Variants in NUP205 observed in about 807,000 individuals in gnomAD.
The protein encoded by NUP205 is nuclear pore complex protein Nup205.
In NUP205, 76 loss-of-function variants were observed where a neutral mutation model predicts 253.8. The ratio of observed to expected loss-of-function variants is 0.30; its 90% CI spans 0.25 to 0.36. The LOEUF (loss-of-function observed/expected upper bound fraction) is 0.36. Among genes scored for constraint, NUP205 ranks in the 10% least tolerant of loss-of-function variants. The probability of loss-of-function intolerance (pLI) is 1.00; values close to 1 mark genes in which losing one functional copy is unlikely to be tolerated. For missense variants in NUP205, 2,162 were observed against 2,425.5 expected (o/e 0.89, Z 2.28); for synonymous variants, 832 against 850.1 (o/e 0.98, Z 0.37).
chr7:135,576,054 T>C (rs535911348), intron 3 of NUP205, among the ~76,000 whole-genome samples: 62 of 152,312 alleles, frequency 4.1e-4, no homozygotes, highest in African/African-American at 1.4e-3. Context: ...GTGAATTCCA[T>C]GTCCCTGCTG....
chr7:135,580,721 C>T (rs1266708223), intron 7 of NUP205, among the ~76,000 whole-genome samples: 1 of 152,040 alleles, frequency 6.6e-6, no homozygotes, highest in Non-Finnish European at 1.5e-5. Flanking sequence ...CCTTGGCCTC[C>T]CAAAGTGCTG....
chr7:135,637,965 G>A lies in NUP205; in HGVS notation c.5171G>A (p.Gly1724Asp). Residue 1724 changes from glycine to aspartate, a missense_variant, in exon 37 of 43, where the codon GGC (glycine) becomes GAC (aspartate). Physicochemically the swap from Gly to Asp is moderately conservative, Grantham distance 94. Coordinates refer to ENST00000285968, the MANE Select transcript of NUP205 (RefSeq NM_015135.3). The part of the protein sequence containing the change: ...QCLGLLSRFG[G>D]SDRLRQFKFQ... ...TTAGGACTACTAAGTCGCTTTGGTG[G>A]CTCTGACAGACTGCGTCAGTTTAAA... 1 of 1,613,916 alleles carries A rather than the reference G, an allele frequency of 6.2e-7. No homozygotes were observed.
chr7:135,588,615 A>G (rs945205609), intron 10 of NUP205, among the ~76,000 whole-genome samples: 8 of 150,864 alleles, frequency 5.3e-5, no homozygotes, highest in African/African-American at 9.8e-5. Context: ...GGGCCTTGCT[A>G]TGATGACCAG....
intron 4 of NUP205, among the ~76,000 whole-genome samples, 194 bp downstream of exon 4, chr7:135,576,608 T>C (rs1306923345): frequency 6.6e-6 from 1 of 152,182 alleles, no homozygotes; most frequent in Non-Finnish European, 1.5e-5. Flanking sequence ...TGGACCGAGG[T>C]GCAGTGGCCC....
At chr7:135,627,744 C>T (rs770768435) in intron 33 of NUP205, among the ~76,000 whole-genome samples, 23 of 152,080 alleles carry the variant, frequency 1.5e-4, no homozygotes, top group Non-Finnish European at 2.2e-4. Context: ...AGGTTTTCCT[C>T]GATAAGATTT....
chr7:135,626,149 A>T, intron 32 of NUP205, 91 bp from the exon 33 acceptor site: 3 of 1,470,982 alleles, frequency 2.0e-6, no homozygotes, highest in Non-Finnish European at 2.8e-6. Flanking sequence ...ATAACTAAGG[A>T]TGAGAAATTT....
intron 7 of NUP205, 76 bp from the exon 8 acceptor site, chr7:135,584,747 CCATCAGCAG>C: frequency 1.7e-6 from 2 of 1,180,562 alleles, no homozygotes; most frequent in South Asian, 2.6e-5. Flanking sequence ...GATGTCTGAA[CCATCAGCAG>C]AGTATTATGA....
intron 35 of NUP205, among the ~76,000 whole-genome samples, chr7:135,633,943 T>A (rs1458142051): frequency 6.6e-6 from 1 of 152,232 alleles, no homozygotes; most frequent in African/African-American, 2.4e-5. Flanking sequence ...TGCTATAATT[T>A]ATGCACATTT....
At chr7:135,564,155 T>TGG (rs1181786844) in intron 1 of NUP205, among the ~76,000 whole-genome samples, 1 of 151,572 alleles carries the variant, frequency 6.6e-6, no homozygotes, top group Non-Finnish European at 1.5e-5. Context: ...CATGGCATAC[T>TGG]ACAGCCTCTA....
At chr7:135,560,981 T>C (rs1805566203) in intron 1 of NUP205, among the ~76,000 whole-genome samples, 1 of 152,220 alleles carries the variant, frequency 6.6e-6, no homozygotes, top group Admixed American at 6.5e-5. Flanking sequence ...GTGCTTCCTT[T>C]AAATTACAGT....
chr7:135,589,077 A>G (rs1472445222), intron 10 of NUP205, among the ~76,000 whole-genome samples: 1 of 150,596 alleles, frequency 6.6e-6, no homozygotes, highest in East Asian at 1.9e-4. Context: ...GGCTGAGGCA[A>G]GAGGACACGT....
chr7:135,570,404 G>T (rs1207322488), intron 1 of NUP205, among the ~76,000 whole-genome samples: 1 of 151,236 alleles, frequency 6.6e-6, no homozygotes, highest in South Asian at 2.1e-4. Flanking sequence ...TAGTAGAGAC[G>T]GGGTTTCACC....
At chr7:135,642,905 C>T (rs972994626) in intron 38 of NUP205, among the ~76,000 whole-genome samples, 2 of 150,912 alleles carry the variant, frequency 1.3e-5, no homozygotes, top group Non-Finnish European at 2.9e-5. Flanking sequence ...TGATAGAGTT[C>T]TCAAAGGACT....
At chr7:135,603,143 T>G in intron 18 of NUP205, 149 bp downstream of exon 18, 3 of 566,394 alleles carry the variant, frequency 5.3e-6, no homozygotes, top group Non-Finnish European at 9.0e-6. Flanking sequence ...TGAGATGGAG[T>G]CTCGCTCTGT....
At position 135,643,273 on chromosome 7, in the gene NUP205, A is replaced by T; in HGVS notation, c.5474A>T (p.Asp1825Val). 1 of 1,614,108 alleles carries T rather than the reference A, an allele frequency of 6.2e-7. No individual in the cohort carries two copies. Among genetic ancestry groups the T allele is most frequent in the South Asian group, 1.1e-5 (1 of 91,086 alleles). Residue 1825 changes from aspartate (D) to valine (V), a missense_variant, in exon 39 of 43, where the codon GAT becomes GTT. By Grantham distance (152) the Asp-to-Val change is radical. Transcript: ENST00000285968. Reference protein sequence around the residue: ...IIYLLKQSANDFFSYYDSHRQ... With the variant: ...IIYLLKQSANVFFSYYDSHRQ... Reference sequence around the variant, plus strand: ...TACCTGCTGAAACAGAGTGCTAATGATTTCTTCAGCTATTATGACAGTCAT... The same window carrying T: ...TACCTGCTGAAACAGAGTGCTAATGTTTTCTTCAGCTATTATGACAGTCAT...
chr7:135,565,263 G>T (rs1025106812), intron 1 of NUP205, among the ~76,000 whole-genome samples: 1 of 152,098 alleles, frequency 6.6e-6, no homozygotes, highest in Non-Finnish European at 1.5e-5. Flanking sequence ...CACTTTATCA[G>T]ATTTCTGAAA....
At chr7:135,625,058 GA>G (rs1161643276) in intron 31 of NUP205, 105 bp from the exon 32 acceptor site, 21 of 959,278 alleles carry the variant, frequency 2.2e-5, no homozygotes. Context: ...TTCTCTTTAT[GA>G]AAAACATTCT....
chr7:135,567,954 C>T (rs1204021983), intron 1 of NUP205, among the ~76,000 whole-genome samples: 3 of 152,108 alleles, frequency 2.0e-5, no homozygotes, highest in South Asian at 4.2e-4. Context: ...GGCCGGGCGC[C>T]GTGGCTCATG....
chr7:135,646,392 G>A (rs575464644), intron 42 of NUP205, among the ~76,000 whole-genome samples, 161 bp downstream of exon 42: 12 of 151,654 alleles, frequency 7.9e-5, no homozygotes, highest in African/African-American at 1.2e-4. Context: ...GTGAGACCCC[G>A]TCTCTTAAAA....
Sources: allele counts gnomAD v4.1 joint callset (sites outside exome capture counted in the v4.1 genomes callset), GRCh38; gene constraint gnomAD v4.1.1; transcripts MANE v1.5; gene names NCBI Gene and HGNC (gene_info 2026-07-23, HGNC 2026-07-21).